Variants in SHTN1 observed in about 807,000 individuals in gnomAD.
SHTN1 encodes shootin-1.
SHTN1 carries 42 observed loss-of-function variants against 83.1 expected under a neutral mutation model. That is an observed-to-expected ratio of 0.51 (90% CI 0.39 to 0.65). SHTN1 has a LOEUF of 0.65. Among genes scored for constraint, SHTN1 ranks in the 30% least tolerant of loss-of-function variants. The pLI is 0.00. For synonymous variants in SHTN1, 224 were observed against 247.7 expected, an observed-to-expected ratio of 0.90 and a Z score of 0.90; for missense variants, 622 against 737.8, an observed-to-expected ratio of 0.84 and a Z score of 1.82.
At chr10:116,932,781 T>C (rs1238735652) in intron 9 of SHTN1, among the ~76,000 whole-genome samples, 2 of 152,272 alleles carry the variant, frequency 1.3e-5, no homozygotes, top group African/African-American at 4.8e-5. Flanking sequence ...ACAAAGAGTA[T>C]AACAGTTTTA....
chr10:117,001,547 A>G (rs1411208394), intron 1 of SHTN1, among the ~76,000 whole-genome samples: 1 of 152,060 alleles, frequency 6.6e-6, no homozygotes. Context: ...CTTTCTGAAC[A>G]CTCTCCTGGG....
intron 7 of SHTN1, among the ~76,000 whole-genome samples, chr10:116,947,444 T>C (rs1361987184): frequency 6.6e-6 from 1 of 152,178 alleles, no homozygotes; most frequent in East Asian, 1.9e-4. Flanking sequence ...ACATAGAATT[T>C]CAAACTCTGT....
chr10:117,023,827 T>G (rs566151817), intron 2 of SHTN1: 1 of 152,652 alleles, frequency 6.6e-6, no homozygotes, highest in Non-Finnish European at 1.5e-5. Context: ...AGAGCAGAAT[T>G]GACACCTTGT....
intron 1 of SHTN1, among the ~76,000 whole-genome samples, chr10:117,070,405 A>G (rs928445064): frequency 6.6e-6 from 1 of 151,690 alleles, no homozygotes; most frequent in African/African-American, 2.4e-5. Flanking sequence ...CCTTTCCTCT[A>G]TCTGCTTTTC....
At chr10:116,935,799 C>CT (rs1441240854) in intron 9 of SHTN1, among the ~76,000 whole-genome samples, 5 of 151,656 alleles carry the variant, frequency 3.3e-5, no homozygotes, top group African/African-American at 7.3e-5. Flanking sequence ...TGATCCTGGG[C>CT]TTTTTTTTGG....
chr10:117,094,278 G>A (rs140789565), intron 1 of SHTN1, among the ~76,000 whole-genome samples: 359 of 152,292 alleles, frequency 2.4e-3, no homozygotes, highest in African/African-American at 8.0e-3. Flanking sequence ...AATATTTGCT[G>A]ATTACAATGA....
chr10:117,076,333 C>G (rs1482548509), intron 1 of SHTN1, among the ~76,000 whole-genome samples: 1 of 152,042 alleles, frequency 6.6e-6, no homozygotes, highest in African/African-American at 2.4e-5. Flanking sequence ...ACAGTTACAT[C>G]CTTGGAGCTG....
At chr10:117,076,442 A>G (rs540178072) in intron 1 of SHTN1, among the ~76,000 whole-genome samples, 8 of 152,298 alleles carry the variant, frequency 5.3e-5, no homozygotes, top group Non-Finnish European at 1.0e-4. Context: ...CTCCTCCATC[A>G]TTCACTTATC....
At chr10:117,043,473 T>A (rs1438971078) in intron 2 of SHTN1, among the ~76,000 whole-genome samples, 1 of 152,234 alleles carries the variant, frequency 6.6e-6, no homozygotes, top group Non-Finnish European at 1.5e-5. Flanking sequence ...AACTGCATAC[T>A]TAAAAATGAT....
At chr10:116,957,261 T>TA in intron 4 of SHTN1, among the ~76,000 whole-genome samples, 1 of 150,542 alleles carries the variant, frequency 6.6e-6, no homozygotes, top group East Asian at 1.9e-4. Context: ...TTTTACTTTT[T>TA]TTTTTTTTTT....
At chr10:117,040,444 G>A (rs1476131339) in intron 2 of SHTN1, among the ~76,000 whole-genome samples, 3 of 152,104 alleles carry the variant, frequency 2.0e-5, no homozygotes, top group Non-Finnish European at 2.9e-5. Context: ...AAATGGTAAT[G>A]GAATTGTAAA....
intron 12 of SHTN1, 113 bp downstream of exon 12, chr10:116,921,321 G>T: frequency 1.4e-6 from 1 of 700,560 alleles, no homozygotes; most frequent in Non-Finnish European, 2.5e-6. Context: ...GCTGTTCAGT[G>T]CTTCATACTA....
At chr10:116,886,587 CAA>C (rs748204859) in intron 16 of SHTN1, 21 bp from the exon 17 acceptor site, 1 of 1,607,672 alleles carries the variant, frequency 6.2e-7, no homozygotes, top group East Asian at 2.2e-5. Flanking sequence ...AAGAGTTAGA[CAA>C]AAAAAGTAAA....
intron 2 of SHTN1, among the ~76,000 whole-genome samples, chr10:117,036,021 G>C (rs945231109): frequency 6.7e-6 from 1 of 150,290 alleles, no homozygotes; most frequent in African/African-American, 2.4e-5. Context: ...ATGTCAAATA[G>C]GCATATGAAA....
intron 1 of SHTN1, among the ~76,000 whole-genome samples, chr10:117,049,276 A>C (rs1852708916): frequency 6.6e-6 from 1 of 152,174 alleles, no homozygotes; most frequent in Non-Finnish European, 1.5e-5. Flanking sequence ...TAGAGTGCAG[A>C]CCAGCTGAGG....
intron 8 of SHTN1, among the ~76,000 whole-genome samples, chr10:116,942,210 C>T (rs1849398950): frequency 8.0e-6 from 1 of 124,708 alleles, no homozygotes; most frequent in Non-Finnish European, 1.8e-5. Flanking sequence ...ATTATGATTA[C>T]AGTAATTTTT....
intron 2 of SHTN1, among the ~76,000 whole-genome samples, chr10:117,033,102 C>T (rs1457913366): frequency 6.6e-6 from 1 of 151,690 alleles, no homozygotes. Context: ...AGAAAAATTT[C>T]AAATAATGTA....
chr10:116,973,995 C>T, intron 2 of SHTN1: 1 of 1,153,608 alleles, frequency 8.7e-7, no homozygotes, highest in Non-Finnish European at 1.1e-6. Flanking sequence ...CTAAAGAATA[C>T]AACACATTAA....
At chr10:117,024,883 A>C (rs1485833304) in intron 2 of SHTN1, among the ~76,000 whole-genome samples, 1 of 152,242 alleles carries the variant, frequency 6.6e-6, no homozygotes, top group Non-Finnish European at 1.5e-5. Context: ...ATAGGAATAT[A>C]GATGGTTATT....
Sources: allele counts gnomAD v4.1 joint callset (sites outside exome capture counted in the v4.1 genomes callset), GRCh38; gene constraint gnomAD v4.1.1; transcripts MANE v1.5; gene names NCBI Gene and HGNC (gene_info 2026-07-23, HGNC 2026-07-21).